The following ASTN2 variants were observed in gnomAD, a reference collection of about 807,000 sequenced individuals.
ASTN2 encodes the protein astrotactin-2.
Under a neutral mutation model 139.8 loss-of-function variants are expected in ASTN2, and 54 were observed. That is an observed-to-expected ratio of 0.39 (90% CI 0.31 to 0.48). The LOEUF is 0.48. Among genes scored for constraint, ASTN2 ranks in the 20% least tolerant of loss-of-function variants. ASTN2 has a pLI of 0.95. For missense variants in ASTN2, 1,565 were observed against 1,725.1 expected (o/e 0.91, Z 1.64); for synonymous variants, 756 against 719.5 (o/e 1.05, Z -0.81).
chr9:116,852,192 T>C (rs1832624812), intron 11 of ASTN2, among the ~76,000 whole-genome samples: 1 of 152,264 alleles, frequency 6.6e-6, no homozygotes, highest in East Asian at 1.9e-4. Flanking sequence ...CTCTACACAA[T>C]AGGACCTGAT....
chr9:116,520,440 A>T (rs1026476871), intron 19 of ASTN2, among the ~76,000 whole-genome samples: 9 of 152,140 alleles, frequency 5.9e-5, no homozygotes, highest in African/African-American at 2.2e-4. Context: ...GCATGTGACA[A>T]AACCCAGCAT....
intron 13 of ASTN2, among the ~76,000 whole-genome samples, chr9:116,795,707 A>AT (rs1316526795): frequency 2.0e-5 from 3 of 152,172 alleles, no homozygotes; most frequent in Non-Finnish European, 4.4e-5. Flanking sequence ...ATGAAAAAAA[A>AT]CCCATCTTCA....
At chr9:116,981,156 G>T (rs574992804) in intron 7 of ASTN2, among the ~76,000 whole-genome samples, 59 of 152,246 alleles carry the variant, frequency 3.9e-4, no homozygotes, top group African/African-American at 1.3e-3. Context: ...TTTTTTACTT[G>T]CCTGTTCCCC....
chr9:117,400,456 G>A (rs2130960518), intron 1 of ASTN2, among the ~76,000 whole-genome samples: 1 of 152,244 alleles, frequency 6.6e-6, no homozygotes, highest in East Asian at 1.9e-4. Flanking sequence ...AAAGAGGTCA[G>A]GACAATAAAA....
chr9:116,978,951 A>C (rs1254408604), intron 7 of ASTN2, among the ~76,000 whole-genome samples: 1 of 152,242 alleles, frequency 6.6e-6, no homozygotes. Flanking sequence ...ATAGAATACT[A>C]GGGTAACACG....
chr9:116,934,374 G>C (rs118033894), intron 10 of ASTN2, among the ~76,000 whole-genome samples: 2 of 152,136 alleles, frequency 1.3e-5, no homozygotes, highest in Admixed American at 6.5e-5. Context: ...ACAGAGTCGA[G>C]TGTGTCATTA....
At chr9:116,651,477 G>A in intron 17 of ASTN2, 51 bp downstream of exon 17, 3 of 1,591,410 alleles carry the variant, frequency 1.9e-6, no homozygotes, top group Non-Finnish European at 2.6e-6. Flanking sequence ...AAGGGTAGGA[G>A]GTAGGAGGGC....
chr9:116,894,078 A>G (rs1203814640), intron 10 of ASTN2, among the ~76,000 whole-genome samples: 1 of 152,166 alleles, frequency 6.6e-6, no homozygotes. Flanking sequence ...GGACTGACTG[A>G]GAGCCTTCTT....
chr9:116,671,253 C>A (rs917759126), intron 16 of ASTN2, among the ~76,000 whole-genome samples: 19 of 151,958 alleles, frequency 1.3e-4, no homozygotes, highest in South Asian at 4.2e-4. Flanking sequence ...TAAATATAAC[C>A]ATCATAATGA....
chr9:116,877,939 C>A (rs753999544), intron 10 of ASTN2, among the ~76,000 whole-genome samples: 1 of 151,932 alleles, frequency 6.6e-6, no homozygotes, highest in Non-Finnish European at 1.5e-5. Flanking sequence ...TTCATGTGGC[C>A]AACAAACATA....
intron 6 of ASTN2, among the ~76,000 whole-genome samples, chr9:117,013,181 G>A (rs1837581608): frequency 6.6e-6 from 1 of 152,134 alleles, no homozygotes. Context: ...AGAGCACTAA[G>A]TTTAAGGAAT....
At chr9:117,379,217 C>G (rs1300472294) in intron 1 of ASTN2, among the ~76,000 whole-genome samples, 2 of 152,126 alleles carry the variant, frequency 1.3e-5, no homozygotes, top group African/African-American at 2.4e-5. Context: ...CTGCTGTCAT[C>G]AGAAATAAAG....
At chr9:116,647,876 A>T (rs1055929301) in intron 17 of ASTN2, among the ~76,000 whole-genome samples, 1 of 152,200 alleles carries the variant, frequency 6.6e-6, no homozygotes, top group East Asian at 1.9e-4. Flanking sequence ...GCAGTGACAC[A>T]ATCACAGCTC....
intron 19 of ASTN2, among the ~76,000 whole-genome samples, chr9:116,598,020 T>C (rs1250170354): frequency 1.3e-5 from 2 of 152,164 alleles, no homozygotes; most frequent in Non-Finnish European, 2.9e-5. Flanking sequence ...TCATTGTTGG[T>C]TAATAACCAA....
At chr9:117,253,032 T>G (rs568892797) in intron 2 of ASTN2, among the ~76,000 whole-genome samples, 1 of 152,268 alleles carries the variant, frequency 6.6e-6, no homozygotes, top group African/African-American at 2.4e-5. Flanking sequence ...ATTATGGAAT[T>G]TTGATGAGAA....
chr9:116,874,629 T>C (rs540751533), intron 10 of ASTN2, among the ~76,000 whole-genome samples: 3 of 152,178 alleles, frequency 2.0e-5, no homozygotes, highest in Non-Finnish European at 4.4e-5. Context: ...CTCAAACAAA[T>C]AAAGATCCTC....
intron 1 of ASTN2, among the ~76,000 whole-genome samples, chr9:117,375,378 T>C (rs942329544): frequency 6.6e-6 from 1 of 152,206 alleles, no homozygotes; most frequent in Admixed American, 6.5e-5. Flanking sequence ...CAAAAGCCCA[T>C]GTTTTCTCCA....
At chr9:117,143,126 A>G (rs1006943486) in intron 3 of ASTN2, among the ~76,000 whole-genome samples, 1 of 152,352 alleles carries the variant, frequency 6.6e-6, no homozygotes, top group Admixed American at 6.5e-5. Flanking sequence ...GAGAAGTCCC[A>G]TCTTGAGGGT....
In ASTN2 at chr9:117,373,970, C is replaced by A. The variant is rs139468649; in HGVS notation, c.442+40527G>T. ...CACTGAAGAACAGCAGCAGAACATACGCTTAAATTTTTTACAACATCAAAT... is the reference window on the plus strand; with the variant it reads ...CACTGAAGAACAGCAGCAGAACATAAGCTTAAATTTTTTACAACATCAAAT... On this transcript the variant is annotated intron_variant, in intron 1 of 22. Transcript: ENST00000313400. Among the ~76,000 whole-genome samples, 3 of 152,106 alleles carry A rather than the reference C, an allele frequency of 2.0e-5. No homozygotes were observed. The Middle Eastern group carries it at 0.01, about 521-fold the overall frequency.
Sources: gnomAD v4.1 joint callset for allele counts (sites outside exome capture counted in the v4.1 genomes callset) on GRCh38, gnomAD v4.1.1 for gene constraint, MANE v1.5 for transcripts, NCBI Gene and HGNC (gene_info 2026-07-23, HGNC 2026-07-21) for gene names.